PPP2R2B: variants seen among roughly 807,000 people sequenced by gnomAD.
PPP2R2B encodes serine/threonine-protein phosphatase 2A 55 kDa regulatory subunit B beta isoform.
Under a neutral mutation model 46.0 loss-of-function variants are expected in PPP2R2B, and 5 were observed. The observed-to-expected ratio is 0.11, with a 90% CI of 0.06 to 0.23. PPP2R2B has a LOEUF of 0.23. Among genes scored for constraint, PPP2R2B ranks in the 10% least tolerant of loss-of-function variants. The pLI is 1.00. For synonymous variants in PPP2R2B, 215 were observed against 206.7 expected (o/e 1.04, Z -0.34); for missense variants, 367 against 575.0 (o/e 0.64, Z 3.70).
At chr5:146,630,300 G>A (rs1249447920) in intron 7 of PPP2R2B, among the ~76,000 whole-genome samples, 1 of 152,204 alleles carries the variant, frequency 6.6e-6, no homozygotes, top group Non-Finnish European at 1.5e-5. Flanking sequence ...ACTACTTCCT[G>A]ACCCTGCTAA....
intron 2 of PPP2R2B, among the ~76,000 whole-genome samples, chr5:146,872,913 C>T (rs1242324335): frequency 3.9e-5 from 6 of 152,174 alleles, no homozygotes. Context: ...CTGAAATGTT[C>T]TTATCTGAGG....
chr5:146,840,201 A>G (rs778563336), intron 2 of PPP2R2B, among the ~76,000 whole-genome samples: 1 of 152,218 alleles, frequency 6.6e-6, no homozygotes, highest in Non-Finnish European at 1.5e-5. Context: ...AGGCTTGTCA[A>G]TTGCTGCCTG....
intron 2 of PPP2R2B, among the ~76,000 whole-genome samples, chr5:146,767,780 T>C (rs185373859): frequency 1.3e-5 from 2 of 152,284 alleles, no homozygotes; most frequent in Admixed American, 1.3e-4. Context: ...GGTTCACTCT[T>C]CGCATTGCAC....
chr5:146,879,950 C>A (rs556860470), upstream of PPP2R2B, among the ~76,000 whole-genome samples: 4 of 152,250 alleles, frequency 2.6e-5, no homozygotes, highest in South Asian at 6.2e-4. Context: ...CCCAGAGGGA[C>A]CTATGAGTTA....
chr5:146,977,372 A>G (rs1338014394), intron 1 of PPP2R2B, among the ~76,000 whole-genome samples: 4 of 150,910 alleles, frequency 2.7e-5, no homozygotes. Context: ...GTCTCTTTTA[A>G]TATTATTATT....
At chr5:147,024,934 A>G (rs1355688712) in intron 1 of PPP2R2B, among the ~76,000 whole-genome samples, 1 of 152,096 alleles carries the variant, frequency 6.6e-6, no homozygotes, top group Non-Finnish European at 1.5e-5. Context: ...TGAGCAAACC[A>G]AAGTGAAGAA....
At chr5:146,979,573 AC>A in intron 1 of PPP2R2B, among the ~76,000 whole-genome samples, 1 of 151,618 alleles carries the variant, frequency 6.6e-6, no homozygotes, top group Non-Finnish European at 1.5e-5. Context: ...ACACACACAC[AC>A]ACACACACAC....
chr5:146,699,660 G>GAACTTAATT (rs1779417647), intron 3 of PPP2R2B, among the ~76,000 whole-genome samples: 1 of 101,758 alleles, frequency 9.8e-6, no homozygotes, highest in Non-Finnish European at 1.9e-5. Context: ...GAACTTAATT[G>GAACTTAATT]GTTTTTTTTT....
At position 146,856,573 on chromosome 5, in the gene PPP2R2B, T is replaced by TC. The variant is rs755839859; in HGVS notation, c.70+21428dup. On this transcript the variant is annotated intron_variant, in intron 2 of 9. Coordinates refer to ENST00000394411, the MANE Select transcript of PPP2R2B (RefSeq NM_181675.4). ...GGCCACTATTCTCTGTCTTGGGTTC[T>TC]CCCTTGGCTCCTGTGACAAACATGG... 9 of 1,611,896 alleles carry TC rather than the reference T, an allele frequency of 5.6e-6. No individual in the cohort carries two copies. In the African/African-American group the frequency reaches 1.2e-4, roughly 22 times the overall value.
intron 7 of PPP2R2B, chr5:146,616,864 C>T (rs1773216856): frequency 6.6e-6 from 1 of 152,178 alleles, no homozygotes. Flanking sequence ...CAATCCCACT[C>T]CTTATGTATA....
intron 2 of PPP2R2B, among the ~76,000 whole-genome samples, chr5:146,794,286 T>A (rs1230907345): frequency 6.6e-6 from 1 of 152,204 alleles, no homozygotes; most frequent in Non-Finnish European, 1.5e-5. Context: ...ATCTTTTATT[T>A]AGTCATGTTA....
At chr5:146,878,823 C>G (rs2151420989), upstream of PPP2R2B, 1 of 1,260,124 alleles carries the variant, frequency 7.9e-7, no homozygotes, top group African/African-American at 1.6e-5. This position sits in a 1 kb window ranked among gnomAD's most constrained non-coding sequence, Gnocchi z 4.5. Flanking sequence ...AGCAGCCCCA[C>G]GACTCTTTCC....
intron 7 of PPP2R2B, among the ~76,000 whole-genome samples, chr5:146,629,196 T>C (rs1306867821): frequency 6.6e-6 from 1 of 152,226 alleles, no homozygotes; most frequent in Non-Finnish European, 1.5e-5. Flanking sequence ...ACTTCTCTAA[T>C]TGGATGAATC....
At chr5:146,869,197 C>T (rs764496147) in intron 2 of PPP2R2B, among the ~76,000 whole-genome samples, 4 of 152,072 alleles carry the variant, frequency 2.6e-5, no homozygotes, top group Non-Finnish European at 5.9e-5. Context: ...AATGACTGAT[C>T]CAAGGTTACA....
intron 1 of PPP2R2B, among the ~76,000 whole-genome samples, chr5:146,956,108 A>G (rs1328821354): frequency 6.6e-6 from 1 of 152,042 alleles, no homozygotes; most frequent in Non-Finnish European, 1.5e-5. Context: ...GTCTAAGAAA[A>G]TAGTTATGAA....
chr5:147,080,703 C>A (rs925537727), intron 2 of PPP2R2B, among the ~76,000 whole-genome samples: 4 of 152,032 alleles, frequency 2.6e-5, no homozygotes, highest in Admixed American at 6.6e-5. Context: ...CAATGGTCCT[C>A]CACATAGAAT....
intron 3 of PPP2R2B, 98 bp from the exon 4 acceptor site, chr5:146,698,242 G>C (rs1159861638): frequency 1.2e-5 from 11 of 945,864 alleles, no homozygotes; most frequent in Non-Finnish European, 1.6e-5. Context: ...TTGGGGGTGG[G>C]ATGAGGGCAG....
At chr5:146,815,919 G>C (rs1318513313) in intron 2 of PPP2R2B, among the ~76,000 whole-genome samples, 1 of 152,146 alleles carries the variant, frequency 6.6e-6, no homozygotes, top group Non-Finnish European at 1.5e-5. Flanking sequence ...CCCTTTGAGG[G>C]TGGCAAAACA....
chr5:146,970,590 C>T (rs1047208619), intron 1 of PPP2R2B, among the ~76,000 whole-genome samples: 11 of 151,820 alleles, frequency 7.2e-5, no homozygotes, highest in South Asian at 4.2e-4. Flanking sequence ...AGAGGAGACT[C>T]AGTCTCAAAA....
Sources: gnomAD v4.1 joint callset for allele counts (sites outside exome capture counted in the v4.1 genomes callset) on GRCh38, gnomAD v4.1.1 for gene constraint, Gnocchi (gnomAD v3.1) non-coding constraint, MANE v1.5 for transcripts, NCBI Gene and HGNC (gene_info 2026-07-23, HGNC 2026-07-21) for gene names.